SOX5: variants seen among roughly 807,000 people sequenced by gnomAD.
SOX5 encodes the protein SRY-box transcription factor 5, also known as transcription factor SOX-5.
Under a neutral mutation model 92.0 loss-of-function variants are expected in SOX5, and 9 were observed. That is an observed-to-expected ratio of 0.10 (90% confidence interval 0.06 to 0.17). SOX5 has a LOEUF of 0.17. Among genes scored for constraint, SOX5 ranks in the 10% least tolerant of loss-of-function variants. The pLI is 1.00. For synonymous variants in SOX5, 344 were observed against 336.3 expected (o/e 1.02, Z -0.25); for missense variants, 642 against 944.5 (o/e 0.68, Z 4.20).
chr12:24,054,443 C>G (rs1018035154), intron 4 of SOX5, among the ~76,000 whole-genome samples: 2 of 152,206 alleles, frequency 1.3e-5, no homozygotes, highest in African/African-American at 4.8e-5. Flanking sequence ...TTGGGCACTA[C>G]ACATGGGCAT....
chr12:23,598,358 T>C (rs899213952), intron 9 of SOX5, among the ~76,000 whole-genome samples: 35 of 150,892 alleles, frequency 2.3e-4, no homozygotes, highest in Non-Finnish European at 4.4e-4. Flanking sequence ...TTCAAACTCA[T>C]GAAGTCTCTT....
chr12:23,609,463 C>T (rs568727989), intron 8 of SOX5, among the ~76,000 whole-genome samples: 148 of 151,778 alleles, frequency 9.8e-4, no homozygotes, highest in Middle Eastern at 3.4e-3. Flanking sequence ...GAAATGAAGA[C>T]GGAAAAAATA....
chr12:24,511,386 CTA>C (rs1348452664), intron 1 of SOX5, among the ~76,000 whole-genome samples: 10 of 152,196 alleles, frequency 6.6e-5, no homozygotes. Flanking sequence ...TGTGAAATTT[CTA>C]TGTCCATTTA....
chr12:23,603,111 T>C (rs1181816069), intron 9 of SOX5, among the ~76,000 whole-genome samples: 1 of 152,034 alleles, frequency 6.6e-6, no homozygotes, highest in Non-Finnish European at 1.5e-5. Context: ...TGTCTTTTAA[T>C]AATATGGAAA....
intron 2 of SOX5, among the ~76,000 whole-genome samples, chr12:23,865,207 AAG>A: frequency 6.6e-6 from 1 of 152,294 alleles, no homozygotes; most frequent in East Asian, 1.9e-4. Context: ...ACTTCACAAA[AAG>A]AGAGATTCAT....
intron 4 of SOX5, among the ~76,000 whole-genome samples, chr12:24,162,631 G>A (rs975630393): frequency 2.0e-5 from 3 of 152,118 alleles, no homozygotes; most frequent in African/African-American, 4.8e-5. Context: ...GCAGAGCCAC[G>A]ATCGTGTGAA....
At chr12:24,334,934 T>A (rs1951727786) in intron 2 of SOX5, among the ~76,000 whole-genome samples, 1 of 151,842 alleles carries the variant, frequency 6.6e-6, no homozygotes. Context: ...AATAGAGATC[T>A]GGATGAAAAT....
chr12:23,896,436 T>G (rs2097178480), intron 1 of SOX5, among the ~76,000 whole-genome samples: 2 of 152,312 alleles, frequency 1.3e-5, no homozygotes, highest in South Asian at 4.1e-4. Flanking sequence ...ATAACTAAAA[T>G]TTCTTTCATC....
intron 4 of SOX5, among the ~76,000 whole-genome samples, chr12:24,098,018 C>T (rs1230423065): frequency 1.1e-4 from 17 of 152,086 alleles, no homozygotes; most frequent in Non-Finnish European, 4.4e-5. Context: ...TCCTACTTTA[C>T]CAACTTATTT....
intron 6 of SOX5, among the ~76,000 whole-genome samples, chr12:23,710,436 T>C (rs1019702916): frequency 6.6e-6 from 1 of 152,156 alleles, no homozygotes; most frequent in African/African-American, 2.4e-5. Context: ...TTCCCCTTCC[T>C]GTGTCCAAGT....
chr12:24,439,208 A>G (rs1259694094), intron 1 of SOX5, among the ~76,000 whole-genome samples: 1 of 152,244 alleles, frequency 6.6e-6, no homozygotes, highest in African/African-American at 2.4e-5. Context: ...AAGTATTTTT[A>G]ATTAAGGTAT....
chr12:24,422,404 C>G (rs1966061970), intron 1 of SOX5, among the ~76,000 whole-genome samples: 1 of 152,018 alleles, frequency 6.6e-6, no homozygotes, highest in African/African-American at 2.4e-5. Flanking sequence ...CATTTAATTC[C>G]CAGTGCTCAA....
At chr12:24,450,026 T>C (rs546109105) in intron 1 of SOX5, among the ~76,000 whole-genome samples, 43 of 152,318 alleles carry the variant, frequency 2.8e-4, no homozygotes, top group African/African-American at 9.9e-4. Context: ...AAAATGAGTA[T>C]GCGCAACCAC....
At chr12:23,957,183 T>C (rs544590554) in intron 4 of SOX5, among the ~76,000 whole-genome samples, 1 of 152,328 alleles carries the variant, frequency 6.6e-6, no homozygotes, top group Non-Finnish European at 1.5e-5. Context: ...TCTACATTCA[T>C]ACAGCAATAT....
intron 1 of SOX5, among the ~76,000 whole-genome samples, chr12:24,542,333 G>A (rs561910394): frequency 2.6e-5 from 4 of 152,278 alleles, no homozygotes; most frequent in African/African-American, 9.6e-5. Context: ...AGCCCAAATG[G>A]CTCTTCCTCA....
chr12:23,934,342 C>T (rs1476845278), intron 1 of SOX5, among the ~76,000 whole-genome samples: 1 of 150,724 alleles, frequency 6.6e-6, no homozygotes, highest in Non-Finnish European at 1.5e-5. Context: ...TATATATACA[C>T]ATACATACAT....
At chr12:24,338,124 T>C (rs1952119944) in intron 2 of SOX5, among the ~76,000 whole-genome samples, 1 of 152,206 alleles carries the variant, frequency 6.6e-6, no homozygotes, top group East Asian at 1.9e-4. Flanking sequence ...TGAATATAAA[T>C]CCTGTAAACC....
At position 24,449,353 on chromosome 12, in the gene SOX5, CAA is replaced by C. The variant is rs530053150; in HGVS notation, c.-250-80716_-250-80715del. On this transcript the variant is annotated intron_variant, in intron 1 of 4. Coordinates refer to the SOX5 transcript ENST00000446891. ...TCTTCTCTCTGTTCCTCCATAACCT[CAA>C]GTTTGTTTCTCCCTTGAGGATACTG... Among the ~76,000 whole-genome samples, 560 of 152,348 alleles carry C rather than the reference CAA, an allele frequency of 3.7e-3. 3 individuals are homozygous for C. Among genetic ancestry groups the C allele is most frequent in the Non-Finnish European group, 5.9e-3 (402 of 68,036 alleles).
chr12:23,950,870 C>T (rs1010305624), upstream of SOX5: 4 of 1,535,304 alleles, frequency 2.6e-6, no homozygotes, highest in East Asian at 2.4e-5. Flanking sequence ...GACACTTACA[C>T]AGACATGCAT....
Sources: gnomAD v4.1 joint callset for allele counts (sites outside exome capture counted in the v4.1 genomes callset) on GRCh38, gnomAD v4.1.1 for gene constraint, MANE v1.5 for transcripts, NCBI Gene and HGNC (gene_info 2026-07-23, HGNC 2026-07-21) for gene names.